The following RALGPS2 variants were observed in gnomAD, a reference collection of about 807,000 sequenced individuals.
RALGPS2 encodes Ral GEF with PH domain and SH3 binding motif 2, also known as ras-specific guanine nucleotide-releasing factor RalGPS2.
RALGPS2 carries 43 observed loss-of-function variants against 86.8 expected under a neutral mutation model. The ratio of observed to expected loss-of-function variants is 0.50; its 90% CI spans 0.39 to 0.64. RALGPS2 has a LOEUF of 0.64. RALGPS2 is among the 30% of genes least tolerant of loss of function. The pLI, the probability that RALGPS2 is intolerant of heterozygous loss-of-function variation, is 0.00. For missense variants in RALGPS2, 536 were observed against 694.6 expected (o/e 0.77, Z 2.57); for synonymous variants, 243 against 231.3 (o/e 1.05, Z -0.46).
At chr1:178,891,223 T>C (rs1659699405) in intron 14 of RALGPS2, among the ~76,000 whole-genome samples, 2 of 152,090 alleles carry the variant, frequency 1.3e-5, no homozygotes, top group Non-Finnish European at 2.9e-5. Context: ...ACTTTTCTTA[T>C]GCCAAGTTTA....
chr1:178,805,936 C>T (rs886451418), intron 4 of RALGPS2, among the ~76,000 whole-genome samples: 2 of 152,018 alleles, frequency 1.3e-5, no homozygotes, highest in Non-Finnish European at 2.9e-5. Context: ...TTTCCAAACA[C>T]ATAAGGAATT....
At chr1:178,913,090 C>G (rs550776751) in intron 19 of RALGPS2, among the ~76,000 whole-genome samples, 1 of 151,822 alleles carries the variant, frequency 6.6e-6, no homozygotes. Context: ...GGGACCAGCC[C>G]GGCCAACATG....
intron 8 of RALGPS2, among the ~76,000 whole-genome samples, chr1:178,834,519 T>A (rs1323527178): frequency 6.6e-6 from 1 of 152,194 alleles, no homozygotes; most frequent in Non-Finnish European, 1.5e-5. Context: ...AGTTTAACTC[T>A]TTAGAATATT....
intron 1 of RALGPS2, among the ~76,000 whole-genome samples, chr1:178,768,270 G>A (rs1308048282): frequency 6.6e-6 from 1 of 152,162 alleles, no homozygotes; most frequent in Non-Finnish European, 1.5e-5. Flanking sequence ...TCATGGTGCA[G>A]AATCCTTGTG....
intron 12 of RALGPS2, among the ~76,000 whole-genome samples, 172 bp from the exon 13 acceptor site, chr1:178,885,797 A>G (rs1558170911): frequency 6.6e-6 from 1 of 152,204 alleles, no homozygotes. Context: ...ATATAGATAG[A>G]TAGGGCCAGG....
intron 18 of RALGPS2, among the ~76,000 whole-genome samples, chr1:178,902,922 A>G (rs1304354385): frequency 1.3e-5 from 2 of 152,194 alleles, no homozygotes. Context: ...TATGAATAAA[A>G]TAACTGGCTA....
At chr1:178,786,906 A>G (rs770289563) in intron 4 of RALGPS2, among the ~76,000 whole-genome samples, 8 of 152,008 alleles carry the variant, frequency 5.3e-5, no homozygotes, top group Non-Finnish European at 1.0e-4. Context: ...TTCCTGTCTT[A>G]GTATCTCAAA....
chr1:178,774,737 G>A (rs975673071), intron 1 of RALGPS2, among the ~76,000 whole-genome samples: 3 of 152,174 alleles, frequency 2.0e-5, no homozygotes, highest in Admixed American at 2.0e-4. Flanking sequence ...GCGTTAAATG[G>A]TTTTAAAACT....
rs538309568 is a variant in RALGPS2, at chr1:178,838,776, G to C, written c.607+5226G>C. ...AGCTAAAAACCTTGAGAAAAGATCA[G>C]ACGAATGGCTAACTAGAATAACCAG... On this transcript the variant is annotated intron_variant, in intron 8 of 19. Transcript: ENST00000367635. Among the ~76,000 whole-genome samples the C allele has an allele frequency of 2.6e-5, 4 of 152,308 alleles. No individual in the cohort carries two copies. The South Asian group carries it at 8.3e-4, about 32-fold the overall frequency.
chr1:178,870,623 CTG>C (rs1008546497), intron 8 of RALGPS2: 4 of 152,118 alleles, frequency 2.6e-5, no homozygotes, highest in African/African-American at 9.7e-5. Context: ...ATGAGATAAA[CTG>C]TAGTATATTC....
intron 1 of RALGPS2, among the ~76,000 whole-genome samples, chr1:178,745,891 G>T (rs1346677966): frequency 7.4e-6 from 1 of 135,556 alleles, no homozygotes; most frequent in African/African-American, 2.8e-5. Flanking sequence ...GTGTGATCTT[G>T]GTTCACTGCA....
At chr1:178,805,736 A>G (rs113307043) in intron 4 of RALGPS2, among the ~76,000 whole-genome samples, 6 of 152,062 alleles carry the variant, frequency 3.9e-5, no homozygotes, top group African/African-American at 1.4e-4. Flanking sequence ...CTCTCCCCCC[A>G]TTTATATAAT....
At chr1:178,818,727 A>T (rs1013066687) in intron 6 of RALGPS2, among the ~76,000 whole-genome samples, 6 of 152,214 alleles carry the variant, frequency 3.9e-5, no homozygotes, top group African/African-American at 1.2e-4. Flanking sequence ...CGGAGCCTTC[A>T]TCTTTGCCTA....
chr1:178,893,399 T>C (rs1007452797), intron 15 of RALGPS2, among the ~76,000 whole-genome samples: 1 of 151,726 alleles, frequency 6.6e-6, no homozygotes, highest in Non-Finnish European at 1.5e-5. Context: ...AAATATATTA[T>C]TATTGACTTT....
intron 8 of RALGPS2, chr1:178,868,997 T>C (rs1658585151): frequency 6.6e-6 from 1 of 152,034 alleles, no homozygotes; most frequent in Non-Finnish European, 1.5e-5. Context: ...TTCTCACATA[T>C]GTTCAGTTTT....
At chr1:178,876,591 A>G (rs1558166340) in intron 8 of RALGPS2, among the ~76,000 whole-genome samples, 1 of 152,178 alleles carries the variant, frequency 6.6e-6, no homozygotes, top group African/African-American at 2.4e-5. Flanking sequence ...GAGTAAAAAC[A>G]GGGTTTATTT....
intron 2 of RALGPS2, among the ~76,000 whole-genome samples, chr1:178,778,812 C>T (rs1174229978): frequency 6.6e-6 from 1 of 151,770 alleles, no homozygotes; most frequent in African/African-American, 2.4e-5. Context: ...CCAAACACCG[C>T]ATATTCTCAC....
In RALGPS2 at chr1:178,803,221, G is replaced by T. The variant is rs368942060; in HGVS notation, c.214-4824G>T. On this transcript the variant is annotated intron_variant, in intron 4 of 19. Coordinates refer to ENST00000367635, the MANE Select transcript of RALGPS2 (RefSeq NM_152663.5). ...AATAATCAGAAATGTCAGAAGAGGTGCAAGGATATTCATTATTTGTAATTA... is the reference window on the plus strand; with the variant it reads ...AATAATCAGAAATGTCAGAAGAGGTTCAAGGATATTCATTATTTGTAATTA... 1.2e-3 allele frequency among the ~76,000 whole-genome samples: 184 copies of T among 152,226 alleles called. 1 individual carries two copies. The Middle Eastern group carries it at 0.024, about 20-fold the overall frequency.
chr1:178,741,742 GA>G (rs1010410895), intron 1 of RALGPS2, among the ~76,000 whole-genome samples: 5 of 151,516 alleles, frequency 3.3e-5, no homozygotes, highest in East Asian at 1.9e-4. Context: ...CATAAAAAGA[GA>G]AAAAAAAGGG....
Sources: allele counts gnomAD v4.1 joint callset (sites outside exome capture counted in the v4.1 genomes callset), GRCh38; gene constraint gnomAD v4.1.1; transcripts MANE v1.5; gene names NCBI Gene and HGNC (gene_info 2026-07-23, HGNC 2026-07-21).